Variants in PDE10A observed in about 807,000 individuals in gnomAD.
The protein encoded by PDE10A is phosphodiesterase 10A, also known as cAMP and cAMP-inhibited cGMP 3',5'-cyclic phosphodiesterase 10A.
PDE10A carries 39 observed loss-of-function variants against 97.7 expected under a neutral mutation model. The observed-to-expected ratio is 0.40, with a 90% confidence interval of 0.31 to 0.52. The LOEUF (loss-of-function observed/expected upper bound fraction) is 0.52. Among genes scored for constraint, PDE10A ranks in the 20% least tolerant of loss-of-function variants. PDE10A has a pLI of 0.56. For missense variants in PDE10A, 731 were observed against 1,047.8 expected (o/e 0.70, Z 4.17); for synonymous variants, 371 against 376.8 (o/e 0.98, Z 0.18).
chr6:165,513,595 A>T (rs1189437265), intron 2 of PDE10A, among the ~76,000 whole-genome samples: 1 of 152,138 alleles, frequency 6.6e-6, no homozygotes, highest in African/African-American at 2.4e-5. Context: ...GATTTTCATA[A>T]GGACTTCTTT....
At chr6:165,351,310 T>A (rs1281674985) in intron 18 of PDE10A, among the ~76,000 whole-genome samples, 2 of 152,000 alleles carry the variant, frequency 1.3e-5, no homozygotes, top group Non-Finnish European at 2.9e-5. Context: ...ATGTGAGGGG[T>A]AGGTGGTAAG....
chr6:165,749,243 C>CCATCAT (rs1792919476), intron 1 of PDE10A, among the ~76,000 whole-genome samples: 1 of 71,598 alleles, frequency 1.4e-5, no homozygotes, highest in Non-Finnish European at 3.6e-5. Flanking sequence ...ACCACCATCA[C>CCATCAT]ATCACCATCA....
chr6:165,881,281 T>C (rs1199297225), intron 1 of PDE10A, among the ~76,000 whole-genome samples: 1 of 152,060 alleles, frequency 6.6e-6, no homozygotes, highest in Non-Finnish European at 1.5e-5. Context: ...ACATCTAAAC[T>C]CCATCCTTTG....
At chr6:165,356,024 A>G (rs2128189416) in intron 18 of PDE10A, among the ~76,000 whole-genome samples, 1 of 152,260 alleles carries the variant, frequency 6.6e-6, no homozygotes, top group South Asian at 2.1e-4. Flanking sequence ...GGAAGCAAGT[A>G]TTATATGGCT....
chr6:165,867,185 A>T (rs1229295655), intron 1 of PDE10A, among the ~76,000 whole-genome samples: 1 of 151,610 alleles, frequency 6.6e-6, no homozygotes, highest in Non-Finnish European at 1.5e-5. Flanking sequence ...AACACCATAA[A>T]TGTAAATGGT....
chr6:165,509,820 T>C (rs908464319), intron 2 of PDE10A, among the ~76,000 whole-genome samples: 7 of 152,126 alleles, frequency 4.6e-5, no homozygotes, highest in African/African-American at 1.7e-4. Context: ...TTCTTAGGTA[T>C]TATATTTAAT....
chr6:165,496,009 T>C (rs960566805), intron 2 of PDE10A, among the ~76,000 whole-genome samples: 3 of 151,962 alleles, frequency 2.0e-5, no homozygotes, highest in East Asian at 1.9e-4. Flanking sequence ...ATAAGGGGAA[T>C]TGGAAGGCAA....
At chr6:165,825,731 G>A (rs1779721630) in intron 1 of PDE10A, among the ~76,000 whole-genome samples, 1 of 152,154 alleles carries the variant, frequency 6.6e-6, no homozygotes, top group Non-Finnish European at 1.5e-5. Flanking sequence ...AGTCCCCCTG[G>A]GGGTTATCTG....
intron 2 of PDE10A, among the ~76,000 whole-genome samples, chr6:165,526,165 G>A (rs1466723809): frequency 6.6e-6 from 1 of 152,172 alleles, no homozygotes; most frequent in Non-Finnish European, 1.5e-5. Context: ...GAAAGGAAAT[G>A]ATCAGACCTT....
chr6:165,497,729 T>C (rs1780621775), intron 2 of PDE10A, among the ~76,000 whole-genome samples: 1 of 152,164 alleles, frequency 6.6e-6, no homozygotes, highest in Non-Finnish European at 1.5e-5. Context: ...AGATTCACCG[T>C]CAGAAACCTG....
rs12664243 is a variant in PDE10A at position 165,484,579 on chromosome 6, T to A, written c.995-2236A>T. On this transcript the variant is annotated intron_variant, in intron 2 of 21. Transcript: ENST00000539869. ...AGGTGGTGATGCTAGCGCTGGGGAG[T>A]GGCTGCAAATACAGATTAACATTAG... Among the ~76,000 whole-genome samples the A allele has an allele frequency of 1.6e-3, 249 of 152,010 alleles. 2 individuals carry two copies. Among genetic ancestry groups the A allele is most frequent in the East Asian group, 0.015 (76 of 5,172 alleles).
chr6:165,536,137 G>C (rs1783070935), intron 2 of PDE10A, among the ~76,000 whole-genome samples: 1 of 151,928 alleles, frequency 6.6e-6, no homozygotes, highest in African/African-American at 2.4e-5. Context: ...CAAGAGAACA[G>C]AACACAGATG....
At chr6:165,534,029 A>G (rs192233174) in intron 2 of PDE10A, among the ~76,000 whole-genome samples, 580 of 152,238 alleles carry the variant, frequency 3.8e-3, no homozygotes, top group South Asian at 7.0e-3. Context: ...AGATGAGAAT[A>G]GGCAATTTTA....
At chr6:165,372,447 A>G (rs752990938) in intron 18 of PDE10A, among the ~76,000 whole-genome samples, 21,017 of 86,646 alleles carry the variant, frequency 0.24, 3,108 homozygotes, top group African/African-American at 0.38. Context: ...GACAAACAGA[A>G]AGCCAAATCA....
intron 1 of PDE10A, chr6:165,781,283 A>G (rs1353639975): frequency 6.6e-6 from 1 of 151,154 alleles, no homozygotes; most frequent in Non-Finnish European, 1.5e-5. Flanking sequence ...AAACCCACCT[A>G]TTATTTTTTT....
At chr6:165,983,176 CTAGT>C (rs995681515) in intron 1 of PDE10A, among the ~76,000 whole-genome samples, 15 of 152,094 alleles carry the variant, frequency 9.9e-5, no homozygotes, top group African/African-American at 2.7e-4. Context: ...TTCCTTTTGC[CTAGT>C]TAAATTAAGC....
intron 1 of PDE10A, among the ~76,000 whole-genome samples, chr6:165,924,586 A>C (rs974470279): frequency 6.6e-6 from 1 of 152,212 alleles, no homozygotes; most frequent in Admixed American, 6.5e-5. Context: ...GGTACAATTC[A>C]TGGTTTCCAT....
At chr6:165,774,978 G>A (rs904750398) in intron 1 of PDE10A, 11 of 151,842 alleles carry the variant, frequency 7.2e-5, no homozygotes, top group Admixed American at 5.9e-4. Context: ...AACTTGACAC[G>A]GGGCATCTTT....
At chr6:165,368,703 C>T (rs1014807546) in intron 18 of PDE10A, among the ~76,000 whole-genome samples, 10 of 152,324 alleles carry the variant, frequency 6.6e-5, no homozygotes, top group African/African-American at 2.4e-4. Flanking sequence ...ATGTCCCTGT[C>T]TGACAGCTCT....
Sources: gnomAD v4.1 joint callset for allele counts (sites outside exome capture counted in the v4.1 genomes callset) on GRCh38, gnomAD v4.1.1 for gene constraint, MANE v1.5 for transcripts, NCBI Gene and HGNC (gene_info 2026-07-23, HGNC 2026-07-21) for gene names.